The following GALNTL6 variants were observed in gnomAD, a reference collection of about 807,000 sequenced individuals.
The protein encoded by GALNTL6 is polypeptide N-acetylgalactosaminyltransferase-like 6.
A neutral mutation model predicts 73.7 loss-of-function variants in GALNTL6; 46 were observed. That is an observed-to-expected ratio of 0.62 (90% CI 0.49 to 0.80). The LOEUF (loss-of-function observed/expected upper bound fraction) is 0.80. Among genes scored for constraint, GALNTL6 ranks in the 30% least tolerant of loss-of-function variants. The pLI, the probability that GALNTL6 is intolerant of heterozygous loss-of-function variation, is 0.00. For synonymous variants in GALNTL6, 259 were observed against 263.7 expected (o/e 0.98, Z 0.17); for missense variants, 604 against 755.0 (o/e 0.80, Z 2.34).
chr4:172,617,980 G>A (rs776921652), intron 5 of GALNTL6, among the ~76,000 whole-genome samples: 47 of 152,138 alleles, frequency 3.1e-4, no homozygotes, highest in Non-Finnish European at 5.9e-4. Flanking sequence ...CTGGAACCCT[G>A]TCTTGCCTCT....
At chr4:172,717,583 A>T (rs1479335494) in intron 5 of GALNTL6, among the ~76,000 whole-genome samples, 1 of 152,208 alleles carries the variant, frequency 6.6e-6, no homozygotes, top group Non-Finnish European at 1.5e-5. Context: ...AAAATCCAGA[A>T]TGAATGAAAT....
Position 173,040,364 on chromosome 4 carries a change from A to G in GALNTL6, c.*264A>G. The G allele has an allele frequency of 2.4e-6, 1 of 425,088 alleles. No homozygotes were observed. Among genetic ancestry groups the G allele is most frequent in the Non-Finnish European group, 4.2e-6 (1 of 239,206 alleles). The allele number at this position is 425,088 out of a possible 1,614,324, so 26.3% of individuals were successfully genotyped here. On this transcript the variant is annotated 3_prime_UTR_variant, in exon 13 of 13. Transcript: ENST00000506823. ...GGCAAAGATAATTTAGGGACTTTTC[A>G]AAACAACTGCTGAGCTAATAAATCC... is the stretch of plus-strand genomic sequence containing the variant.
chr4:172,020,873 C>A (rs1741375994), intron 2 of GALNTL6, among the ~76,000 whole-genome samples: 1 of 151,914 alleles, frequency 6.6e-6, no homozygotes, highest in South Asian at 2.1e-4. Context: ...TAGGCCAACA[C>A]CCTGATAAAT....
intron 3 of GALNTL6, among the ~76,000 whole-genome samples, chr4:172,276,389 A>C (rs1209931317): frequency 1.3e-5 from 2 of 152,228 alleles, no homozygotes; most frequent in East Asian, 3.9e-4. Flanking sequence ...GACCTGAATC[A>C]ATGCCAAGGA....
chr4:172,434,815 G>T lies in GALNTL6; in HGVS notation c.553+86126G>T, dbSNP rs532281012. 6.7e-4 allele frequency among the ~76,000 whole-genome samples: 102 copies of T among 152,090 alleles called. 1 individual carries two copies. The highest frequency in any genetic ancestry group is 5.6e-3 in the South Asian group (27 of 4,822). On this transcript the variant is annotated intron_variant, in intron 5 of 12. Coordinates refer to ENST00000506823, the MANE Select transcript of GALNTL6 (RefSeq NM_001034845.3). ...TATCAACTGTTTACTACATTGCATTGCACTGTTTTCCTCTATATACTTTCT... is the reference window on the plus strand; with the variant it reads ...TATCAACTGTTTACTACATTGCATTTCACTGTTTTCCTCTATATACTTTCT...
chr4:173,005,947 G>T (rs918892175), intron 10 of GALNTL6, among the ~76,000 whole-genome samples: 5 of 152,142 alleles, frequency 3.3e-5, no homozygotes, highest in Admixed American at 3.3e-4. Context: ...CTCCATCCCT[G>T]CCAGAGGCCT....
At chr4:173,026,174 G>T (rs940426291) in intron 12 of GALNTL6, among the ~76,000 whole-genome samples, 2 of 152,064 alleles carry the variant, frequency 1.3e-5, no homozygotes, top group Non-Finnish European at 2.9e-5. Context: ...TGGTTTATTT[G>T]GGATATAGCC....
intron 5 of GALNTL6, among the ~76,000 whole-genome samples, chr4:172,656,108 C>G (rs1421961498): frequency 6.6e-6 from 1 of 152,130 alleles, no homozygotes; most frequent in African/African-American, 2.4e-5. Context: ...CACCAGCTTT[C>G]GAGAAAAGAA....
At chr4:173,010,896 C>T (rs62341921) in intron 11 of GALNTL6, among the ~76,000 whole-genome samples, 17,735 of 151,900 alleles carry the variant, frequency 0.12, 1,292 homozygotes, top group Non-Finnish European at 0.17. Context: ...TAAGCCACCA[C>T]GCCCAGCCAA....
chr4:171,968,116 C>T (rs1299398876), intron 2 of GALNTL6, among the ~76,000 whole-genome samples: 1 of 152,110 alleles, frequency 6.6e-6, no homozygotes, highest in Non-Finnish European at 1.5e-5. Flanking sequence ...TCTTCCCTCT[C>T]CACTTTTTAT....
intron 2 of GALNTL6, among the ~76,000 whole-genome samples, chr4:171,872,267 C>T (rs1736158649): frequency 1.3e-5 from 2 of 152,100 alleles, no homozygotes; most frequent in Non-Finnish European, 2.9e-5. Context: ...GAACTATGGC[C>T]TAAGCCAGGT....
At chr4:172,452,235 T>C (rs1328740976) in intron 5 of GALNTL6, among the ~76,000 whole-genome samples, 1 of 152,020 alleles carries the variant, frequency 6.6e-6, no homozygotes, top group Non-Finnish European at 1.5e-5. Context: ...AAGTCTTTCA[T>C]TAAGACAGAT....
intron 5 of GALNTL6, among the ~76,000 whole-genome samples, chr4:172,695,359 CATTT>C (rs916649524): frequency 1.3e-5 from 2 of 152,204 alleles, no homozygotes; most frequent in Non-Finnish European, 2.9e-5. Flanking sequence ...CTGATTCATT[CATTT>C]CTTTCTCTGA....
intron 3 of GALNTL6, among the ~76,000 whole-genome samples, chr4:172,306,400 T>C (rs1032855411): frequency 6.6e-6 from 1 of 152,066 alleles, no homozygotes; most frequent in Non-Finnish European, 1.5e-5. Context: ...AATAAATGAA[T>C]AAATAAATAA....
At chr4:172,320,400 G>A (rs902882647) in intron 4 of GALNTL6, among the ~76,000 whole-genome samples, 1 of 152,114 alleles carries the variant, frequency 6.6e-6, no homozygotes, top group African/African-American at 2.4e-5. Context: ...GAGAAGCAAG[G>A]CACAAAACAT....
chr4:172,387,232 T>G (rs188788369), intron 5 of GALNTL6, among the ~76,000 whole-genome samples: 1 of 152,296 alleles, frequency 6.6e-6, no homozygotes, highest in African/African-American at 2.4e-5. Context: ...TGTAGTAATC[T>G]TTAATAATAG....
At chr4:172,499,061 C>T (rs1734169764) in intron 5 of GALNTL6, among the ~76,000 whole-genome samples, 1 of 152,078 alleles carries the variant, frequency 6.6e-6, no homozygotes, top group Admixed American at 6.6e-5. Flanking sequence ...AACCCGCCCA[C>T]CTATCTAGTC....
chr4:172,443,548 A>G (rs567193430), intron 5 of GALNTL6, among the ~76,000 whole-genome samples: 1 of 152,200 alleles, frequency 6.6e-6, no homozygotes, highest in South Asian at 2.1e-4. Context: ...GCTTTCTTGT[A>G]TTCATTACAA....
rs560812702 is a variant in GALNTL6 at position 171,990,610 on chromosome 4, A to G, written c.138+175892A>G. ...TATCACACGATAGTAATAAAAAAAC[A>G]TTTTTAAAGTTATTTTAATTATGAG... On this transcript the variant is annotated intron_variant, in intron 2 of 12. Coordinates refer to ENST00000506823, the MANE Select transcript of GALNTL6 (RefSeq NM_001034845.3). Among the ~76,000 whole-genome samples the G allele has an allele frequency of 8.5e-5, 13 of 152,338 alleles. No individual in the cohort carries two copies. In the East Asian group the frequency reaches 2.3e-3, roughly 27 times the overall value.
Sources: allele counts gnomAD v4.1 joint callset (sites outside exome capture counted in the v4.1 genomes callset), GRCh38; gene constraint gnomAD v4.1.1; transcripts MANE v1.5; gene names NCBI Gene and HGNC (gene_info 2026-07-23, HGNC 2026-07-21).